The following RERE variants were observed in gnomAD, a reference collection of about 807,000 sequenced individuals.
RERE encodes arginine-glutamic acid dipeptide repeats protein.
A neutral mutation model predicts 146.1 loss-of-function variants in RERE; 40 were observed. That is an observed-to-expected ratio of 0.27 (90% CI 0.21 to 0.36). The LOEUF is 0.36. Among genes scored for constraint, RERE ranks in the 10% least tolerant of loss-of-function variants. RERE has a pLI of 1.00. For synonymous variants in RERE, 1,003 were observed against 866.0 expected (o/e 1.16, Z -2.78); for missense variants, 1,933 against 2,138.7 (o/e 0.90, Z 1.90).
intron 1 of RERE, among the ~76,000 whole-genome samples, chr1:8,687,929 C>G (rs956878998): frequency 1.3e-5 from 2 of 152,166 alleles, no homozygotes; most frequent in Non-Finnish European, 2.9e-5. Context: ...CAAATTTACA[C>G]AAAAAGATTA....
chr1:8,401,742 T>C (rs892072336), intron 12 of RERE, among the ~76,000 whole-genome samples: 15 of 151,272 alleles, frequency 9.9e-5, no homozygotes, highest in Non-Finnish European at 1.6e-4. Context: ...CTAAACGACA[T>C]CTAAACCCTA....
At chr1:8,711,802 A>G (rs1639672697) in intron 1 of RERE, among the ~76,000 whole-genome samples, 1 of 152,226 alleles carries the variant, frequency 6.6e-6, no homozygotes, top group African/African-American at 2.4e-5. Context: ...AAGAATTCAA[A>G]ATATTAACCA....
At position 8,539,402 on chromosome 1, in the gene RERE, C is replaced by CT. The variant is rs5772326; in HGVS notation, c.830+1811dup. On this transcript the variant is annotated intron_variant, in intron 7 of 22. Coordinates refer to ENST00000400908, the MANE Select transcript of RERE (RefSeq NM_001042681.2). ...AACCATCATAGTTTTCTTTCTTTTC[C>CT]TTTTTTTTTTCTTTTTTTCTCGAGA... Among the ~76,000 whole-genome samples, 7 of 150,748 alleles carry CT rather than the reference C, an allele frequency of 4.6e-5. No individual in the cohort carries two copies. In the South Asian group the frequency reaches 1.3e-3, roughly 27 times the overall value.
At chr1:8,562,613 T>TAC (rs1304782035) in intron 4 of RERE, among the ~76,000 whole-genome samples, 2 of 152,172 alleles carry the variant, frequency 1.3e-5, no homozygotes, top group Non-Finnish European at 2.9e-5. Flanking sequence ...CTCAGCCTCC[T>TAC]GAGTAAGTAG....
intron 2 of RERE, among the ~76,000 whole-genome samples, chr1:8,642,008 G>C (rs935875158): frequency 6.6e-6 from 1 of 152,270 alleles, no homozygotes. Context: ...GAAAAGTGCA[G>C]AAGGATTTAA....
chr1:8,532,034 T>C lies in RERE; in HGVS notation c.830+9180A>G, dbSNP rs568288116. On this transcript the variant is annotated intron_variant, in intron 7 of 22. Coordinates refer to ENST00000400908, the MANE Select transcript of RERE (RefSeq NM_001042681.2). The stretch of plus-strand genomic sequence containing the variant: ...TGTATGCCTGTATCAAAACATCTCA[T>C]GTACCACATACATACGCTATGTATC... Among the ~76,000 whole-genome samples, 3 of 152,348 alleles carry C rather than the reference T, an allele frequency of 2.0e-5. No individual in the cohort carries two copies. The East Asian group carries it at 5.8e-4, about 29-fold the overall frequency.
intron 1 of RERE, among the ~76,000 whole-genome samples, chr1:8,682,997 C>T (rs1639004293): frequency 7.9e-6 from 1 of 126,324 alleles, no homozygotes; most frequent in South Asian, 2.5e-4. Flanking sequence ...AAGTTAGACT[C>T]CATAATTTAC....
At chr1:8,653,624 G>A (rs1010239566) in intron 2 of RERE, among the ~76,000 whole-genome samples, 2 of 151,258 alleles carry the variant, frequency 1.3e-5, no homozygotes, top group Non-Finnish European at 2.9e-5. Flanking sequence ...GAACCCGGGA[G>A]GCGGAGCTTG....
chr1:8,500,478 C>A (rs917996725), intron 8 of RERE, among the ~76,000 whole-genome samples: 3 of 152,234 alleles, frequency 2.0e-5, no homozygotes, highest in Admixed American at 6.5e-5. Flanking sequence ...TCCCGAGGTG[C>A]TGGGATTGCA....
chr1:8,817,080 C>CT (rs1641927834), intron 1 of RERE, 80 bp downstream of exon 1: 1 of 152,266 alleles, frequency 6.6e-6, no homozygotes, highest in Non-Finnish European at 1.5e-5. Flanking sequence ...ACTGCTTTCA[C>CT]GGCCGACCCT....
intron 12 of RERE, among the ~76,000 whole-genome samples, chr1:8,366,922 A>C (rs1281931668): frequency 2.3e-4 from 34 of 149,738 alleles, no homozygotes; most frequent in South Asian, 8.4e-4. Context: ...AAAACAAAAA[A>C]AAAAAACAAA....
At chr1:8,457,947 G>C (rs1388512522) in intron 11 of RERE, among the ~76,000 whole-genome samples, 2 of 152,058 alleles carry the variant, frequency 1.3e-5, no homozygotes, top group African/African-American at 4.8e-5. Context: ...GGAGAGAGGA[G>C]GTAGCTTTAA....
chr1:8,422,858 T>C (rs771735478), intron 11 of RERE, 51 bp from the exon 12 acceptor site: 2 of 1,340,532 alleles, frequency 1.5e-6, no homozygotes, highest in African/African-American at 2.9e-5. Flanking sequence ...CAAAACAGGA[T>C]GTCAGCAAAG....
intron 3 of RERE, among the ~76,000 whole-genome samples, chr1:8,615,053 C>T (rs545406248): frequency 1.3e-5 from 2 of 152,244 alleles, no homozygotes; most frequent in East Asian, 1.9e-4. Context: ...CAGATACAAC[C>T]GTAAAATGAA....
intron 7 of RERE, among the ~76,000 whole-genome samples, chr1:8,516,135 A>G (rs1424662212): frequency 6.8e-6 from 1 of 146,554 alleles, no homozygotes; most frequent in African/African-American, 2.5e-5. Context: ...TGAGGCAGAA[A>G]AATTGCTCAA....
rs796523189 is a variant in RERE at position 8,353,163 on chromosome 1, T to C, written c.*1924A>G. The C allele has an allele frequency of 3.9e-5, 6 of 152,510 alleles. No individual in the cohort carries two copies. The highest frequency in any genetic ancestry group is 8.8e-5 in the Non-Finnish European group (6 of 68,044). 9.4% of individuals were successfully genotyped at this position (152,510 alleles called of 1,614,324 possible). ...CTGAAGTCCCACGACAAAAGGTTCA[T>C]GTCAGCTTTGCCTCCCTGTGAACAA... On this transcript the variant is annotated 3_prime_UTR_variant, in exon 23 of 23. Transcript: ENST00000400908.
intron 1 of RERE, among the ~76,000 whole-genome samples, chr1:8,737,738 A>AAAAAAATGTTTTC (rs1553142731): frequency 3.3e-5 from 5 of 152,044 alleles, no homozygotes; most frequent in Non-Finnish European, 5.9e-5. Flanking sequence ...ACGTGGCTGG[A>AAAAAAATGTTTTC]AAAAAATGTT....
At chr1:8,815,483 G>A (rs56280806) in intron 1 of RERE, among the ~76,000 whole-genome samples, 34,109 of 152,070 alleles carry the variant, frequency 0.22, 4,124 homozygotes, top group Middle Eastern at 0.27. Context: ...TGAACGTAAG[G>A]CCACAACATA....
In RERE at chr1:8,601,626, C is replaced by CCACACACACACACA. The variant is rs3082094; in HGVS notation, c.522+12921_522+12934dup. On this transcript the variant is annotated intron_variant, in intron 4 of 22. Coordinates refer to ENST00000400908, the MANE Select transcript of RERE (RefSeq NM_001042681.2). Reference sequence around the variant, plus strand: ...CCAACTGCCTTCATGTCCAAGGTCACCACACACACACACACACACACACAC... The same window carrying CCACACACACACACA: ...CCAACTGCCTTCATGTCCAAGGTCACCACACACACACACACACACACACACACACACACACACAC... Among the ~76,000 whole-genome samples the CCACACACACACACA allele has an allele frequency of 3.2e-3, 305 of 94,958 alleles. 24 individuals carry two copies. The highest frequency in any genetic ancestry group is 8.6e-3 in the Middle Eastern group (1 of 116). The allele number at this position is 94,958 out of a possible 152,430, so 62.3% of individuals were successfully genotyped here.
Sources: allele counts gnomAD v4.1 joint callset (sites outside exome capture counted in the v4.1 genomes callset), GRCh38; gene constraint gnomAD v4.1.1; transcripts MANE v1.5; gene names NCBI Gene and HGNC (gene_info 2026-07-23, HGNC 2026-07-21).